The following FADS2 variants were observed in gnomAD, a reference collection of about 807,000 sequenced individuals.
FADS2 encodes fatty acid desaturase 2.
Under a neutral mutation model 61.2 loss-of-function variants are expected in FADS2, and 18 were observed. That is an observed-to-expected ratio of 0.29 (90% CI 0.20 to 0.44). FADS2 has a LOEUF of 0.44. Among genes scored for constraint, FADS2 ranks in the 20% least tolerant of loss-of-function variants. The pLI is 1.00. For missense variants in FADS2, 322 were observed against 572.7 expected (o/e 0.56, Z 4.47); for synonymous variants, 203 against 223.9 (o/e 0.91, Z 0.83).
At chr11:61,853,195 C>T (rs2067322686) in intron 5 of FADS2, among the ~76,000 whole-genome samples, 1 of 151,508 alleles carries the variant, frequency 6.6e-6, no homozygotes, top group Admixed American at 6.6e-5. Flanking sequence ...CAAAACAAAA[C>T]AAACAGAAAA....
At position 61,816,364 on chromosome 11, in the gene FADS2, C is replaced by T; in HGVS notation, c.79C>T (p.Leu27Phe). ...CATCCCCACTCCCCAGACTCCACTT[C>T]TCCAGGCCTCTCTCCCGCCTTTTCA... is the stretch of plus-strand genomic sequence containing the variant. The change falls in exon 1 of 12, where the codon CTC becomes TTC. Residue 27 changes from leucine (L) to phenylalanine (F), a missense_variant. Leu to Phe is a conservative substitution (Grantham distance 22). Coordinates refer to the FADS2 transcript ENST00000257261. The surrounding 1 kb of genome is among the most constrained non-coding windows in gnomAD (Gnocchi z 7.0). 6.3e-7 allele frequency: 1 copy of T among 1,598,482 alleles called. No individual in the cohort carries two copies. The highest frequency in any genetic ancestry group is 8.5e-7 in the Non-Finnish European group (1 of 1,179,816).
intron 1 of FADS2, among the ~76,000 whole-genome samples, chr11:61,820,604 A>T (rs1045483160): frequency 2.0e-5 from 3 of 152,058 alleles, no homozygotes; most frequent in African/African-American, 7.2e-5. Flanking sequence ...AATCCCACAT[A>T]AATTTGCTGA....
intron 7 of FADS2, among the ~76,000 whole-genome samples, chr11:61,861,371 A>AAAAAAAAAAAAAAAAAAAAAAAAAAAAC (rs1555078396): frequency 1.1e-4 from 12 of 106,534 alleles, no homozygotes; most frequent in Non-Finnish European, 2.4e-4. Context: ...AAAAAAAAAA[A>AAAAAAAAAAAAAAAAAAAAAAAAAAAAC]CAGAAATTAG....
intron 1 of FADS2, among the ~76,000 whole-genome samples, chr11:61,835,684 AC>A (rs1180638082): frequency 6.6e-6 from 1 of 150,926 alleles, no homozygotes; most frequent in Admixed American, 6.6e-5. Context: ...GGATTACCGC[AC>A]CCGGCCCCCT....
intron 4 of FADS2, chr11:61,847,096 GCTAATT>G (rs2067266940): frequency 2.0e-5 from 3 of 151,916 alleles, no homozygotes; most frequent in Non-Finnish European, 4.4e-5. Flanking sequence ...ACCACGCCCG[GCTAATT>G]TTTGTATTTT....
At chr11:61,852,827 T>C (rs1419876935) in intron 5 of FADS2, among the ~76,000 whole-genome samples, 2 of 152,168 alleles carry the variant, frequency 1.3e-5, no homozygotes, top group Non-Finnish European at 2.9e-5. Flanking sequence ...TTGAGTTTCC[T>C]GGGTAGATGA....
chr11:61,861,353 CAA>C lies in FADS2; in HGVS notation c.883-1602_883-1601del, dbSNP rs58136105. On this transcript the variant is annotated intron_variant, in intron 7 of 11. Transcript: ENST00000278840. The stretch of plus-strand genomic sequence containing the variant: ...TGGGCGACAGAGCGAGACTCCCTCT[CAA>C]AAAAAAAAAAAAAAAACAGAAATTA... 4.7e-4 allele frequency among the ~76,000 whole-genome samples: 14 copies of C among 29,750 alleles called. 1 individual carries two copies. The South Asian group carries it at 5.5e-3, about 12-fold the overall frequency. The allele number at this position is 29,750 out of a possible 152,430, so 19.5% of individuals were successfully genotyped here. A position where few individuals can be genotyped will look rare whatever the true frequency, so the allele number is the denominator to read the frequency against.
rs12421334 is a variant in FADS2, at chr11:61,858,677, C to T, written c.882+1147C>T. Among the ~76,000 whole-genome samples, 684 of 152,056 alleles carry T rather than the reference C, an allele frequency of 4.5e-3. 4 individuals carry two copies. Among genetic ancestry groups the T allele is most frequent in the African/African-American group, 0.016 (651 of 41,438 alleles). ...CTCGGCTCACTGCAACCTCCGCCTC[C>T]TGGGTTCAAGCGATTCTCCTGCCTC... On this transcript the variant is annotated intron_variant, in intron 7 of 11. Transcript: ENST00000278840.
intron 1 of FADS2, chr11:61,817,116 G>A (rs1220697219): frequency 4.1e-6 from 2 of 483,244 alleles, no homozygotes; most frequent in Non-Finnish European, 6.4e-6. Context: ...AGGAACAGCG[G>A]TTCTAGTGCA....
At position 61,863,328 on chromosome 11, in the gene FADS2, A is replaced by G. The variant is rs769624876; in HGVS notation, c.1027A>G (p.Ile343Val). 6.2e-6 allele frequency: 10 copies of G among 1,614,134 alleles called. No homozygotes were observed. Among genetic ancestry groups the G allele is most frequent in the Non-Finnish European group, 8.5e-6 (10 of 1,180,012 alleles). Residue 343 changes from isoleucine to valine, a missense_variant, in exon 9 of 12, where the codon ATC (isoleucine) becomes GTC (valine). Physicochemically the swap from Ile to Val is conservative, Grantham distance 29 (BLOSUM62 3). Transcript: ENST00000278840. ...TGTGTGGGTCACACAGATGAATCAC[A>G]TCGTCATGGAGATTGACCAGGAGGC... ...WFVWVTQMNHIVMEIDQEAYR... is the reference protein window; with the variant it reads ...WFVWVTQMNHVVMEIDQEAYR...
In FADS2 at chr11:61,828,405, G is replaced by A; in HGVS notation, c.15G>A (p.Gly5=). 2 of 1,567,474 alleles carry A rather than the reference G, an allele frequency of 1.3e-6. No homozygotes were observed. Among genetic ancestry groups the A allele is most frequent in the Non-Finnish European group, 1.7e-6 (2 of 1,156,806 alleles). Residue 5 remains glycine, a synonymous_variant, in exon 1 of 12, where the codon GGG becomes GGA. Coordinates refer to ENST00000278840, the MANE Select transcript of FADS2 (RefSeq NM_004265.4). The surrounding 1 kb of genome is among the most constrained non-coding windows in gnomAD (Gnocchi z 6.4). MGKG[G]NQGEGAAERE... ...CGGCAGGCAGCATGGGGAAGGGAGG[G>A]AACCAGGGCGAGGGGGCCGCCGAGC...
chr11:61,822,342 G>A (rs1310802768), intron 1 of FADS2, among the ~76,000 whole-genome samples: 1 of 152,194 alleles, frequency 6.6e-6, no homozygotes, highest in East Asian at 1.9e-4. Flanking sequence ...TTATAGACAA[G>A]GTGACAGATC....
chr11:61,853,218 C>CTCTTTCTTTCTTCTCTT (rs1189066240), intron 5 of FADS2, among the ~76,000 whole-genome samples: 1 of 151,200 alleles, frequency 6.6e-6, no homozygotes, highest in African/African-American at 2.4e-5. Context: ...AGTGTAGTCA[C>CTCTTTCTTTCTTCTCTT]TCTTTCTTTC....
chr11:61,834,602 C>T (rs992519433), intron 1 of FADS2, among the ~76,000 whole-genome samples: 2 of 152,160 alleles, frequency 1.3e-5, no homozygotes. Flanking sequence ...CTGCAGGGTT[C>T]GGGTGTTGGG....
intron 7 of FADS2, among the ~76,000 whole-genome samples, chr11:61,861,367 A>AAAAAAAAC (rs1307567736): frequency 1.4e-5 from 2 of 146,934 alleles, no homozygotes; most frequent in Admixed American, 6.7e-5. Flanking sequence ...AAAAAAAAAA[A>AAAAAAAAC]AAAACAGAAA....
At chr11:61,852,781 C>A (rs1294614583) in intron 5 of FADS2, among the ~76,000 whole-genome samples, 1 of 152,120 alleles carries the variant, frequency 6.6e-6, no homozygotes, top group African/African-American at 2.4e-5. Flanking sequence ...CCACTTACGT[C>A]TCTTCGTAAT....
chr11:61,857,493 A>G lies in FADS2; in HGVS notation c.845A>G (p.Gln282Arg). Reference protein sequence around the residue: ...PLLIPMYFQYQIIMTMIVHKN... With the variant: ...PLLIPMYFQYRIIMTMIVHKN... ...CTCATCCCCATGTATTTCCAGTACC[A>G]GATCATCATGACCATGATCGTCCAT... Residue 282 changes from glutamine to arginine, a missense_variant, in exon 7 of 12, where the codon CAG becomes CGG. By Grantham distance (43) the Gln-to-Arg change is conservative. Transcript: ENST00000278840. 6.2e-7 allele frequency: 1 copy of G among 1,614,120 alleles called. No individual in the cohort carries two copies.
At chr11:61,833,145 A>C (rs1329912325) in intron 1 of FADS2, among the ~76,000 whole-genome samples, 3 of 152,026 alleles carry the variant, frequency 2.0e-5, no homozygotes, top group Non-Finnish European at 2.9e-5. Flanking sequence ...TCCCCACCTC[A>C]CACACCTGCC....
At chr11:61,858,941 C>T (rs2067389169) in intron 7 of FADS2, among the ~76,000 whole-genome samples, 1 of 152,218 alleles carries the variant, frequency 6.6e-6, no homozygotes, top group Non-Finnish European at 1.5e-5. Context: ...GAAATGCTTG[C>T]TTAAAATCCA....
Sources: gnomAD v4.1 joint callset for allele counts (sites outside exome capture counted in the v4.1 genomes callset) on GRCh38, gnomAD v4.1.1 for gene constraint, Gnocchi (gnomAD v3.1) non-coding constraint, MANE v1.5 for transcripts, NCBI Gene and HGNC (gene_info 2026-07-23, HGNC 2026-07-21) for gene names.